Variants in SSBP3 observed in about 807,000 individuals in gnomAD.
SSBP3 encodes the protein single stranded DNA binding protein 3.
A neutral mutation model predicts 69.6 loss-of-function variants in SSBP3; 5 were observed. The observed-to-expected ratio is 0.07, with a 90% CI of 0.04 to 0.15. The LOEUF is 0.15. SSBP3 is among the 10% of genes least tolerant of loss of function. SSBP3 has a pLI of 1.00. For missense variants in SSBP3, 312 were observed against 534.0 expected (o/e 0.58, Z 4.10); for synonymous variants, 196 against 193.4 (o/e 1.01, Z -0.11).
Position 54,404,312 on chromosome 1 carries a change from C to G in SSBP3, c.191+264G>C, listed in dbSNP as rs116460110. On this transcript the variant is annotated intron_variant, in intron 3 of 17. Coordinates refer to ENST00000610401, the Ensembl canonical transcript of SSBP3. ...TTTTTCAAACCCCCTGCCTAGAGCCCCAGAGTGAAATGTAAAAGTAAGGAG... is the reference window on the plus strand; with the variant it reads ...TTTTTCAAACCCCCTGCCTAGAGCCGCAGAGTGAAATGTAAAAGTAAGGAG... 3.1e-3 allele frequency among the ~76,000 whole-genome samples: 477 copies of G among 152,298 alleles called. 1 individual carries two copies. Among genetic ancestry groups the G allele is most frequent in the Non-Finnish European group, 5.6e-3 (381 of 68,028 alleles).
chr1:54,243,212 G>T, intron 10 of SSBP3, 23 bp downstream of exon 10: 1 of 1,612,114 alleles, frequency 6.2e-7, no homozygotes, highest in Non-Finnish European at 8.5e-7. Flanking sequence ...TCTGAGCCAC[G>T]GGCCGGGTCG....
At chr1:54,280,699 C>T (rs1645375528) in intron 5 of SSBP3, among the ~76,000 whole-genome samples, 1 of 143,280 alleles carries the variant, frequency 7.0e-6, no homozygotes, top group Admixed American at 7.1e-5. Flanking sequence ...ACATGAACCG[C>T]CGAGGAGAAG....
At chr1:54,295,082 T>TCACC in intron 4 of SSBP3, among the ~76,000 whole-genome samples, 1 of 152,146 alleles carries the variant, frequency 6.6e-6, no homozygotes, top group East Asian at 1.9e-4. Flanking sequence ...GAGGAATCCA[T>TCACC]CACCCCCAGC....
chr1:54,408,906 A>G (rs1649918887), upstream of SSBP3, among the ~76,000 whole-genome samples: 1 of 152,088 alleles, frequency 6.6e-6, no homozygotes, highest in Non-Finnish European at 1.5e-5. Flanking sequence ...CCCTTGTTGG[A>G]GCTAAAAGAG....
chr1:54,411,661 G>A (rs574829365), intron 1 of SSBP3, among the ~76,000 whole-genome samples: 1 of 152,026 alleles, frequency 6.6e-6, no homozygotes, highest in Admixed American at 6.5e-5. Flanking sequence ...TGGAGGCCGA[G>A]GCAGGCAGAT....
intron 5 of SSBP3, among the ~76,000 whole-genome samples, chr1:54,266,012 GT>G (rs1645095589): frequency 6.6e-6 from 1 of 152,252 alleles, no homozygotes; most frequent in Admixed American, 6.5e-5. Context: ...GAATCAGCAA[GT>G]GATGGTTTCC....
intron 4 of SSBP3, among the ~76,000 whole-genome samples, chr1:54,347,370 TA>T (rs201565456): frequency 0.044 from 6,220 of 140,176 alleles, 127 homozygotes; most frequent in Non-Finnish European, 0.055. Flanking sequence ...GTCCCCTTTT[TA>T]AAAAAAAAAA....
intron 4 of SSBP3, among the ~76,000 whole-genome samples, chr1:54,372,151 C>T (rs1475342229): frequency 6.6e-6 from 1 of 152,146 alleles, no homozygotes; most frequent in Non-Finnish European, 1.5e-5. Context: ...TCCCACATGC[C>T]GTGTAAGCCC....
chr1:54,276,608 C>CAAAAAAAAAAAAA lies in SSBP3; in HGVS notation c.366+4817_366+4829dup, dbSNP rs746933473. ...TGGGTGACAGAGTGAGACTCTGTCT[C>CAAAAAAAAAAAAA]AAAAAAAAAAAAAAAAAAAAAAAAA... On this transcript the variant is annotated intron_variant, in intron 5 of 17. Coordinates refer to ENST00000610401, the Ensembl canonical transcript of SSBP3. Among the ~76,000 whole-genome samples, 10 of 35,214 alleles carry CAAAAAAAAAAAAA rather than the reference C, an allele frequency of 2.8e-4. 1 individual carries two copies. The highest frequency in any genetic ancestry group is 1.2e-3 in the African/African-American group (8 of 6,692). The allele number at this position is 35,214 out of a possible 152,430, so 23.1% of individuals were successfully genotyped here. A position where few individuals can be genotyped will look rare whatever the true frequency, so the allele number is the denominator to read the frequency against.
intron 4 of SSBP3, among the ~76,000 whole-genome samples, chr1:54,350,243 T>G (rs1295188956): frequency 6.6e-6 from 1 of 152,198 alleles, no homozygotes. Context: ...AACTGTGCCA[T>G]CCATAAAAAT....
At chr1:54,279,760 T>C (rs184290151) in intron 5 of SSBP3, among the ~76,000 whole-genome samples, 1 of 152,354 alleles carries the variant, frequency 6.6e-6, no homozygotes, top group Admixed American at 6.5e-5. Context: ...ATGCCTGCCT[T>C]GGTGAGGATG....
At chr1:54,337,235 C>G (rs2100496308) in intron 4 of SSBP3, among the ~76,000 whole-genome samples, 1 of 152,340 alleles carries the variant, frequency 6.6e-6, no homozygotes, top group South Asian at 2.1e-4. Flanking sequence ...ACAGGGCACA[C>G]AGGCAGGCCT....
intron 4 of SSBP3, among the ~76,000 whole-genome samples, chr1:54,348,251 G>GC (rs1646722514): frequency 2.8e-5 from 2 of 72,034 alleles, no homozygotes; most frequent in African/African-American, 1.3e-4. Context: ...GGGGGGCGGG[G>GC]GGGGGGGGGC....
chr1:54,401,714 G>T, intron 4 of SSBP3, 147 bp downstream of exon 4: 1 of 630,302 alleles, frequency 1.6e-6, no homozygotes, highest in Non-Finnish European at 2.8e-6. Context: ...CATTGGGAGG[G>T]CTGCAGAGAG....
intron 1 of SSBP3, among the ~76,000 whole-genome samples, chr1:54,411,631 G>A (rs891708827): frequency 8.6e-5 from 13 of 151,972 alleles, no homozygotes; most frequent in Admixed American, 6.6e-5. Context: ...GGTGGTTCAC[G>A]CCTGTAATCC....
At chr1:54,257,269 C>CA in intron 6 of SSBP3, 83 bp from the exon 7 acceptor site, 1 of 1,259,882 alleles carries the variant, frequency 7.9e-7, no homozygotes, top group African/African-American at 1.6e-5. Context: ...CCACAAAGTC[C>CA]AGTTTTGTTA....
intron 4 of SSBP3, among the ~76,000 whole-genome samples, chr1:54,290,285 TGGG>T (rs1645579845): frequency 6.6e-6 from 1 of 152,086 alleles, no homozygotes; most frequent in Non-Finnish European, 1.5e-5. Context: ...CTACCCTCTG[TGGG>T]GGGCATAGGG....
chr1:54,309,810 G>C (rs1569743384), intron 4 of SSBP3, among the ~76,000 whole-genome samples: 2 of 152,300 alleles, frequency 1.3e-5, no homozygotes, highest in East Asian at 3.9e-4. Flanking sequence ...CCCATTGCAG[G>C]CACACACAAA....
chr1:54,273,177 T>C (rs554762988), intron 5 of SSBP3, among the ~76,000 whole-genome samples: 1 of 152,360 alleles, frequency 6.6e-6, no homozygotes, highest in East Asian at 1.9e-4. Context: ...TGCTGATGCA[T>C]AGCTAACTGG....
Sources: gnomAD v4.1 joint callset for allele counts (sites outside exome capture counted in the v4.1 genomes callset) on GRCh38, gnomAD v4.1.1 for gene constraint, MANE v1.5 for transcripts, NCBI Gene and HGNC (gene_info 2026-07-23, HGNC 2026-07-21) for gene names.